KLHL40: variants seen among roughly 807,000 people sequenced by gnomAD.
The protein encoded by KLHL40 is kelch-like protein 40.
Under a neutral mutation model 49.7 loss-of-function variants are expected in KLHL40, and 44 were observed. The ratio of observed to expected loss-of-function variants is 0.89; its 90% CI spans 0.70 to 1.14. The LOEUF is 1.14. KLHL40 is among the 50% of genes most tolerant of loss of function. The probability of loss-of-function intolerance (pLI) is 0.00; values close to 1 mark genes in which losing one functional copy is unlikely to be tolerated. For missense variants in KLHL40, 892 were observed against 850.3 expected (o/e 1.05, Z -0.61); for synonymous variants, 409 against 365.2 (o/e 1.12, Z -1.37).
rs1575223266 is a variant in KLHL40, at chr3:42,692,295, G to C, written c.*302G>C. 1 of 461,648 alleles carries C rather than the reference G, an allele frequency of 2.2e-6. No homozygotes were observed. Among genetic ancestry groups the C allele is most frequent in the Non-Finnish European group, 3.9e-6 (1 of 254,262 alleles). The allele number at this position is 461,648 out of a possible 1,614,324, so 28.6% of individuals were successfully genotyped here. A position where few individuals can be genotyped will look rare whatever the true frequency, so the allele number is the denominator to read the frequency against. On this transcript the variant is annotated 3_prime_UTR_variant, in exon 6 of 6. Transcript: ENST00000287777. ...GTGCTGGCCCTGCCCCAGCCTAGCT[G>C]AGTGTGCTGGCAAAGTTCCCCACAG...
chr3:42,686,195 G>A lies in KLHL40; in HGVS notation c.577G>A (p.Ala193Thr). ...CGGCCTTAACGTGGAGAAGGAGGAG[G>A]CAGTGTTCGAGGCGGTGATGCGGTG... ...SDGLNVEKEE[A>T]VFEAVMRWAG... Residue 193 changes from alanine (A) to threonine (T), a missense_variant, in exon 1 of 6, where the codon GCA (alanine) becomes ACA (threonine). Coordinates refer to ENST00000287777, the MANE Select transcript of KLHL40 (RefSeq NM_152393.4). 6.3e-7 allele frequency: 1 copy of A among 1,577,388 alleles called. No individual in the cohort carries two copies. Among genetic ancestry groups the A allele is most frequent in the South Asian group, 1.1e-5 (1 of 88,516 alleles).
intron 4 of KLHL40, among the ~76,000 whole-genome samples, chr3:42,690,526 G>A (rs1464237525): frequency 6.6e-6 from 1 of 152,194 alleles, no homozygotes; most frequent in Non-Finnish European, 1.5e-5. Flanking sequence ...TGCGTCCAGG[G>A]CAAGGCTGGG....
intron 1 of KLHL40, among the ~76,000 whole-genome samples, chr3:42,687,865 C>G (rs1697298423): frequency 6.6e-6 from 1 of 152,050 alleles, no homozygotes; most frequent in Non-Finnish European, 1.5e-5. Context: ...AAGGCCATAG[C>G]TGGACCTCCC....
rs1697277455 is a variant in KLHL40 at position 42,686,596 on chromosome 3, G to C, written c.978G>C (p.Glu326Asp). The C allele has an allele frequency of 6.2e-7, 1 of 1,614,004 alleles. No homozygotes were observed. The highest frequency in any genetic ancestry group is 8.5e-7 in the Non-Finnish European group (1 of 1,180,036). Residue 326 changes from glutamate to aspartate, a missense_variant, in exon 1 of 6, where the codon GAG (glutamate) becomes GAC (aspartate). Transcript: ENST00000287777. ...LQDLIFMISEEGAVAYDPAAN... is the reference protein window; with the variant it reads ...LQDLIFMISEDGAVAYDPAAN... ...ATCTCATCTTCATGATCAGTGAGGA[G>C]GGCGCTGTGGCCTACGATCCAGCAG...
intron 5 of KLHL40, among the ~76,000 whole-genome samples, chr3:42,691,319 T>C (rs1010548127): frequency 2.0e-5 from 3 of 152,092 alleles, no homozygotes; most frequent in Non-Finnish European, 2.9e-5. Context: ...CGGATTTTCT[T>C]CTCTCCTGCC....
In KLHL40 at chr3:42,690,860, T is replaced by TG; in HGVS notation, c.1612dup (p.Ala538GlyfsTer11). 1 of 1,603,426 alleles carries TG rather than the reference T, an allele frequency of 6.2e-7. No homozygotes were observed. Reference sequence around the variant, plus strand: ...ATGCACCTTCTCACACACCCCCAGGTGGGCACCCTTCGAGGCCTTCCCACA... The same window carrying TG: ...ATGCACCTTCTCACACACCCCCAGGTGGGGCACCCTTCGAGGCCTTCCCACA... On this transcript the variant is annotated frameshift_variant and splice_region_variant, in exon 5 of 6. Transcript: ENST00000287777. LOFTEE classifies it high-confidence loss of function.
rs1381168285 is a variant in KLHL40, at chr3:42,686,458, C to T, written c.840C>T (p.Ala280=). 1.2e-6 allele frequency: 2 copies of T among 1,613,976 alleles called. No homozygotes were observed. The highest frequency in any genetic ancestry group is 1.7e-6 in the Non-Finnish European group (2 of 1,179,984). The change falls in exon 1 of 6, where the codon GCC becomes GCT. Residue 280 remains alanine, a synonymous_variant. Transcript: ENST00000287777. ...AGAAGGGGAAGGATGGAGCCGGGGCCAAGGAGGCTGATAAGGGCACAAGCA... is the reference window on the plus strand; with the variant it reads ...AGAAGGGGAAGGATGGAGCCGGGGCTAAGGAGGCTGATAAGGGCACAAGCA... The part of the protein sequence containing the change: ...KKKKGKDGAG[A]KEADKGTSKA...
At position 42,688,669 on chromosome 3, in the gene KLHL40, T is replaced by C. The variant is rs1697313619; in HGVS notation, c.1373T>C (p.Leu458Pro). 6.2e-7 allele frequency: 1 copy of C among 1,613,932 alleles called. No individual in the cohort carries two copies. Among genetic ancestry groups the C allele is most frequent in the East Asian group, 2.2e-5 (1 of 44,852 alleles). ...TACGTGGTGTATGGCCACACAGTGCTCTCCCACATGGACCTTGTCTACGTA... is the reference window on the plus strand; with the variant it reads ...TACGTGGTGTATGGCCACACAGTGCCCTCCCACATGGACCTTGTCTACGTA... ...LPYVVYGHTV[L>P]SHMDLVYVIG... is the part of the protein sequence containing the mutation. Residue 458 changes from leucine (L) to proline (P), a missense_variant, in exon 3 of 6, where the codon CTC (leucine) becomes CCC (proline). Transcript: ENST00000287777. The surrounding 1 kb of genome is among the most constrained non-coding windows in gnomAD (Gnocchi z 4.2).
In KLHL40 at chr3:42,692,147, A is replaced by C. The variant is rs1697381276; in HGVS notation, c.*154A>C. On this transcript the variant is annotated 3_prime_UTR_variant, in exon 6 of 6. Transcript: ENST00000287777. ...GGGCTGCGTCAGCCAAGGAAAGGGA[A>C]GTGCTGCTTAGTCCTGGACTTTTGG... is the stretch of plus-strand genomic sequence containing the variant. The C allele has an allele frequency of 3.2e-6, 2 of 615,494 alleles. No homozygotes were observed. The highest frequency in any genetic ancestry group is 1.9e-5 in the South Asian group (1 of 52,026). The allele number at this position is 615,494 out of a possible 1,614,324, so 38.1% of individuals were successfully genotyped here.
Position 42,686,774 on chromosome 3 carries a change from C to T in KLHL40, c.1152+4C>T, listed in dbSNP as rs1553680497. The T allele has an allele frequency of 2.5e-6, 4 of 1,600,440 alleles. No individual in the cohort carries two copies. The highest frequency in any genetic ancestry group is 3.4e-5 in the Admixed American group (2 of 59,038). On this transcript the variant is annotated splice_donor_region_variant and intron_variant, in intron 1 of 5. Transcript: ENST00000287777. ...CATGAGCGCATACTTCCTGCAGGTG[C>T]CTGACCAGCCTTGGGAGCCGCCAGC...
Position 42,685,623 on chromosome 3 carries a change from C to G in KLHL40, c.5C>G (p.Ala2Gly), listed in dbSNP as rs1265235407. The change falls in exon 1 of 6, where the codon GCG (alanine) becomes GGG (glycine). Residue 2 changes from alanine to glycine, a missense_variant. Transcript: ENST00000287777. ...CCGCACCCTAGGCCACCCACCATGG[C>G]GCTGGGCTTGGAGCAGGCGGAGGAG... is the stretch of plus-strand genomic sequence containing the variant. Reference protein sequence around the residue: MALGLEQAEEQR... With the variant: MGLGLEQAEEQR... The G allele has an allele frequency of 6.3e-7, 1 of 1,591,028 alleles. No homozygotes were observed.
rs1031608507 is a variant in KLHL40, at chr3:42,692,062, G to C, written c.*69G>C. 6.1e-6 allele frequency: 6 copies of C among 983,950 alleles called. No homozygotes were observed. Among genetic ancestry groups the C allele is most frequent in the Non-Finnish European group, 9.8e-6 (6 of 611,794 alleles). The allele number at this position is 983,950 out of a possible 1,614,324, so 61.0% of individuals were successfully genotyped here. Reference sequence around the variant, plus strand: ...CCCTCACTGGCCTGGCCTTGTGGGGGCTCCAGAAAAGAGGCTAGGAGAGGC... The same window carrying C: ...CCCTCACTGGCCTGGCCTTGTGGGGCCTCCAGAAAAGAGGCTAGGAGAGGC... On this transcript the variant is annotated 3_prime_UTR_variant, in exon 6 of 6. Coordinates refer to ENST00000287777, the MANE Select transcript of KLHL40 (RefSeq NM_152393.4).
rs1278842069 is a variant in KLHL40 at position 42,686,365 on chromosome 3, G to A, written c.747G>A (p.Glu249=). Residue 249 remains glutamate, a synonymous_variant, in exon 1 of 6, where the codon GAG becomes GAA. Transcript: ENST00000287777. ...ACCCTCTCGTGCGTGCCCAGCCCGA[G>A]TTGCTGCGCAAGGTGCAGATGGTGA... The part of the protein sequence containing the change: ...ERHPLVRAQP[E]LLRKVQMVKD... 6.2e-7 allele frequency: 1 copy of A among 1,613,304 alleles called. No individual in the cohort carries two copies. Among genetic ancestry groups the A allele is most frequent in the Non-Finnish European group, 8.5e-7 (1 of 1,179,930 alleles).
At position 42,688,652 on chromosome 3, in the gene KLHL40, G is replaced by A. The variant is rs147355548; in HGVS notation, c.1356G>A (p.Val452=). 1.5e-5 allele frequency: 24 copies of A among 1,613,952 alleles called. No individual in the cohort carries two copies. The highest frequency in any genetic ancestry group is 5.3e-5 in the African/African-American group (4 of 74,926). ...AATCGGACCCGCTGCCTTACGTGGTGTATGGCCACACAGTGCTCTCCCACA... is the reference window on the plus strand; with the variant it reads ...AATCGGACCCGCTGCCTTACGTGGTATATGGCCACACAGTGCTCTCCCACA... ...WGESDPLPYV[V]YGHTVLSHMD... Residue 452 remains valine, a synonymous_variant, in exon 3 of 6, where the codon GTG becomes GTA. Transcript: ENST00000287777. The surrounding 1 kb of genome is among the most constrained non-coding windows in gnomAD (Gnocchi z 4.2).
Position 42,686,484 on chromosome 3 carries a change from A to T in KLHL40, c.866A>T (p.Lys289Ile). 6.2e-7 allele frequency: 1 copy of T among 1,614,090 alleles called. No individual in the cohort carries two copies. The highest frequency in any genetic ancestry group is 8.5e-7 in the Non-Finnish European group (1 of 1,180,008). Reference sequence around the variant, plus strand: ...AAGGAGGCTGATAAGGGCACAAGCAAAGCCAAAGCAGAGGAGGATGAGGAG... The same window carrying T: ...AAGGAGGCTGATAAGGGCACAAGCATAGCCAAAGCAGAGGAGGATGAGGAG... The part of the protein sequence containing the change: ...GAKEADKGTS[K>I]AKAEEDEEAE... Residue 289 changes from lysine (K) to isoleucine (I), a missense_variant, in exon 1 of 6, where the codon AAA becomes ATA. By Grantham distance (102) the Lys-to-Ile change is moderately radical. Coordinates refer to ENST00000287777, the MANE Select transcript of KLHL40 (RefSeq NM_152393.4).
Position 42,688,169 on chromosome 3 carries a change from G to C in KLHL40, c.1180G>C (p.Gly394Arg). 6.2e-7 allele frequency: 1 copy of C among 1,613,880 alleles called. No individual in the cohort carries two copies. The highest frequency in any genetic ancestry group is 8.5e-7 in the Non-Finnish European group (1 of 1,180,006). The change falls in exon 2 of 6, where the codon GGG becomes CGG. Residue 394 changes from glycine (G) to arginine (R), a missense_variant. Coordinates refer to ENST00000287777, the MANE Select transcript of KLHL40 (RefSeq NM_152393.4). This position sits in a 1 kb window ranked among gnomAD's most constrained non-coding sequence, Gnocchi z 4.2. Reference sequence around the variant, plus strand: ...TGACCATCTGGACTCAGAGTGGCTGGGGATGCCACCGCTGCCCTCGCCCCG... The same window carrying C: ...TGACCATCTGGACTCAGAGTGGCTGCGGATGCCACCGCTGCCCTCGCCCCG... ...QFDHLDSEWL[G>R]MPPLPSPRCL... is the part of the protein sequence containing the mutation.
Position 42,688,622 on chromosome 3 carries a change from G to A in KLHL40, c.1326G>A (p.Trp442Ter). The A allele has an allele frequency of 1.2e-6, 2 of 1,613,668 alleles. No homozygotes were observed. The highest frequency in any genetic ancestry group is 1.1e-5 in the South Asian group (1 of 91,062). The change falls in exon 3 of 6, where the codon TGG (tryptophan) becomes TGA (stop). Residue 442 changes from tryptophan to a stop codon, truncating the protein, a stop_gained. Coordinates refer to ENST00000287777, the MANE Select transcript of KLHL40 (RefSeq NM_152393.4). LOFTEE classifies it high-confidence loss of function. The surrounding 1 kb of genome is among the most constrained non-coding windows in gnomAD (Gnocchi z 4.2). ...CCGTCTCCTCCAGGTCATTCAAATG[G>A]GGTGAATCGGACCCGCTGCCTTACG... ...VMCYDRLSFK[W>*]GESDPLPYVV...
In KLHL40 at chr3:42,686,709, C is replaced by T. The variant is rs764710803; in HGVS notation, c.1091C>T (p.Ala364Val). The part of the protein sequence containing the change: ...LVTKENQVFV[A>V]GGLFYNEDNK... Reference sequence around the variant, plus strand: ...ACCAAGGAGAACCAGGTCTTCGTGGCTGGAGGCCTCTTCTACAACGAAGAC... The same window carrying T: ...ACCAAGGAGAACCAGGTCTTCGTGGTTGGAGGCCTCTTCTACAACGAAGAC... The change falls in exon 1 of 6, where the codon GCT (alanine) becomes GTT (valine). Residue 364 changes from alanine to valine, a missense_variant. By Grantham distance (64) the Ala-to-Val change is moderately conservative. Transcript: ENST00000287777. 6.2e-7 allele frequency: 1 copy of T among 1,613,490 alleles called. No homozygotes were observed. The highest frequency in any genetic ancestry group is 8.5e-7 in the Non-Finnish European group (1 of 1,180,000).
At position 42,692,474 on chromosome 3, in the gene KLHL40, G is replaced by A. The variant is rs1328243748; in HGVS notation, c.*481G>A. 9.0e-5 allele frequency: 46 copies of A among 510,344 alleles called. No individual in the cohort carries two copies. In the Admixed American group the frequency reaches 1.5e-3, roughly 16 times the overall value. The allele number at this position is 510,344 out of a possible 1,614,324, so 31.6% of individuals were successfully genotyped here. A position where few individuals can be genotyped will look rare whatever the true frequency, so the allele number is the denominator to read the frequency against. On this transcript the variant is annotated 3_prime_UTR_variant, in exon 6 of 6. Coordinates refer to ENST00000287777, the MANE Select transcript of KLHL40 (RefSeq NM_152393.4). ...CCAAGAGTCAGTGAGCAGGTGTGTTGAAGACTTGGGGCTTCAGTGTTCTGC... is the reference window on the plus strand; with the variant it reads ...CCAAGAGTCAGTGAGCAGGTGTGTTAAAGACTTGGGGCTTCAGTGTTCTGC...
Sources: gnomAD v4.1 joint callset for allele counts (sites outside exome capture counted in the v4.1 genomes callset) on GRCh38, gnomAD v4.1.1 for gene constraint, Gnocchi (gnomAD v3.1) non-coding constraint, MANE v1.5 for transcripts, NCBI Gene and HGNC (gene_info 2026-07-23, HGNC 2026-07-21) for gene names.